Variants in C5orf34 observed in about 807,000 individuals in gnomAD.
C5orf34 encodes chromosome 5 open reading frame 34.
In C5orf34, 73 loss-of-function variants were observed where a neutral mutation model predicts 78.4. The observed-to-expected ratio is 0.93, with a 90% confidence interval of 0.77 to 1.13. C5orf34 has a LOEUF of 1.13. Among genes scored for constraint, C5orf34 ranks in the 50% most tolerant of loss-of-function variants. The pLI is 0.00. For missense variants in C5orf34, 730 were observed against 732.7 expected (o/e 1.00, Z 0.04); for synonymous variants, 251 against 246.6 (o/e 1.02, Z -0.17).
chr5:43,503,876 A>G, intron 4 of C5orf34, 116 bp from the exon 5 acceptor site: 1 of 641,740 alleles, frequency 1.6e-6, no homozygotes, highest in South Asian at 1.9e-5. Flanking sequence ...TCACTAGATC[A>G]AAGAATAAAA....
intron 5 of C5orf34, 137 bp downstream of exon 5, chr5:43,503,528 A>C: frequency 4.1e-6 from 3 of 730,724 alleles, no homozygotes; most frequent in Non-Finnish European, 7.4e-6. Context: ...AAAACTCAGG[A>C]TCAAACACAG....
At position 43,492,356 on chromosome 5, in the gene C5orf34, A is replaced by G. The variant is rs748122653; in HGVS notation, c.1486-47T>C. ...TTTTATCATTTTAGAACTGAAAAAAAGAACATAAACAACCTATTCTAACTT... is the reference window on the plus strand; with the variant it reads ...TTTTATCATTTTAGAACTGAAAAAAGGAACATAAACAACCTATTCTAACTT... On this transcript the variant is annotated intron_variant, in intron 9 of 12. Transcript: ENST00000306862. 2.3e-5 allele frequency: 29 copies of G among 1,245,432 alleles called. No homozygotes were observed. In the African/African-American group the frequency reaches 3.9e-4, roughly 17 times the overall value. The allele number at this position is 1,245,432 out of a possible 1,614,324, so 77.1% of individuals were successfully genotyped here.
chr5:43,489,412 T>C (rs893642550), intron 11 of C5orf34, among the ~76,000 whole-genome samples: 2 of 152,136 alleles, frequency 1.3e-5, no homozygotes, highest in Non-Finnish European at 2.9e-5. Flanking sequence ...GCCTCTGCTG[T>C]TCCTAGTTGC....
chr5:43,511,424 C>T (rs549612205), intron 1 of C5orf34: 54 of 155,080 alleles, frequency 3.5e-4, no homozygotes, highest in South Asian at 2.8e-3. Context: ...GGGGCGCCTC[C>T]GCCCGGCCGC....
At position 43,486,815 on chromosome 5, in the gene C5orf34, G is replaced by A. The variant is rs559036373; in HGVS notation, c.*100C>T. 5.4e-5 allele frequency: 28 copies of A among 521,710 alleles called. No individual in the cohort carries two copies. The South Asian group carries it at 1.4e-3, about 25-fold the overall frequency. 32.3% of individuals were successfully genotyped at this position (521,710 alleles called of 1,614,324 possible). A position where few individuals can be genotyped will look rare whatever the true frequency, so the allele number is the denominator to read the frequency against. ...TCAGTTCTTTCACAATCATTGTGCC[G>A]GGGTAATACGTACAATATCTTGGCT... On this transcript the variant is annotated 3_prime_UTR_variant, in exon 13 of 13. Coordinates refer to ENST00000306862, the MANE Select transcript of C5orf34 (RefSeq NM_198566.4).
intron 3 of C5orf34, among the ~76,000 whole-genome samples, chr5:43,508,124 G>A (rs1746072920): frequency 6.7e-6 from 1 of 150,304 alleles, no homozygotes; most frequent in African/African-American, 2.4e-5. Context: ...CAATATACCT[G>A]TTTTGATTGG....
chr5:43,494,161 AAAG>A (rs780182542), intron 7 of C5orf34, among the ~76,000 whole-genome samples: 1 of 152,162 alleles, frequency 6.6e-6, no homozygotes, highest in Non-Finnish European at 1.5e-5. Flanking sequence ...TGAAGATAAT[AAAG>A]AAGTATAAAA....
intron 10 of C5orf34, 96 bp downstream of exon 10, chr5:43,492,119 T>A: frequency 2.5e-6 from 2 of 785,376 alleles, no homozygotes. Flanking sequence ...ATGGAAAAAC[T>A]AAAAATATAT....
At chr5:43,493,150 T>G (rs1404458172) in intron 8 of C5orf34, among the ~76,000 whole-genome samples, 1 of 152,042 alleles carries the variant, frequency 6.6e-6, no homozygotes, top group Non-Finnish European at 1.5e-5. Flanking sequence ...GCTTACAGGT[T>G]TGTAATTAAA....
intron 6 of C5orf34, chr5:43,496,582 A>ATTTT (rs70994702): frequency 3.3e-5 from 14 of 428,680 alleles, no homozygotes; most frequent in Middle Eastern, 7.7e-4. Context: ...GTTTTTTTTA[A>ATTTT]TTTTTTTTTT....
intron 6 of C5orf34, chr5:43,496,402 G>A (rs7728139): frequency 0.044 from 70,124 of 1,594,960 alleles, 2,473 homozygotes; most frequent in African/African-American, 0.18. Flanking sequence ...GGACTTGCCC[G>A]AATTTACGTG....
At chr5:43,499,859 C>T (rs1745685387) in intron 6 of C5orf34, among the ~76,000 whole-genome samples, 1 of 152,144 alleles carries the variant, frequency 6.6e-6, no homozygotes, top group African/African-American at 2.4e-5. Context: ...CAACTTATTT[C>T]ACCATTTCCC....
Position 43,486,738 on chromosome 5 carries a change from T to C in C5orf34, c.*177A>G. ...CTTCGAAATATTTATTATTAAGATA[T>C]AAATACATATTTTAAAAATGTACAA... On this transcript the variant is annotated 3_prime_UTR_variant, in exon 13 of 13. Coordinates refer to ENST00000306862, the MANE Select transcript of C5orf34 (RefSeq NM_198566.4). 2.7e-6 allele frequency: 1 copy of C among 371,996 alleles called. No individual in the cohort carries two copies. The highest frequency in any genetic ancestry group is 2.1e-5 in the African/African-American group (1 of 48,054). The allele number at this position is 371,996 out of a possible 1,614,324, so 23.0% of individuals were successfully genotyped here. A position where few individuals can be genotyped will look rare whatever the true frequency, so the allele number is the denominator to read the frequency against.
At position 43,492,797 on chromosome 5, in the gene C5orf34, T is replaced by C; in HGVS notation, c.1408A>G (p.Lys470Glu). The C allele has an allele frequency of 6.2e-7, 1 of 1,613,282 alleles. No individual in the cohort carries two copies. Among genetic ancestry groups the C allele is most frequent in the Non-Finnish European group, 8.5e-7 (1 of 1,179,444 alleles). The change falls in exon 9 of 13, where the codon AAA becomes GAA. Residue 470 changes from lysine to glutamate, a missense_variant. Coordinates refer to ENST00000306862, the MANE Select transcript of C5orf34 (RefSeq NM_198566.4). ...VGRFLAYSDDKVHAIFLDGIT... is the reference protein window; with the variant it reads ...VGRFLAYSDDEVHAIFLDGIT... ...CCATCTAAAAAGATAGCATGTACTT[T>C]GTCATCAGAGTAGGCAAGAAATCTT...
rs772296889 is a variant in C5orf34, at chr5:43,492,277, C to T, written c.1518G>A (p.Lys506=). The part of the protein sequence containing the change: ...VNQGLNLGWC[K]LTFPDGQEQL... Reference sequence around the variant, plus strand: ...GCTCTTGTCCATCAGGAAAAGTTAACTTACACCAACCTAAGTTAAGACCTT... The same window carrying T: ...GCTCTTGTCCATCAGGAAAAGTTAATTTACACCAACCTAAGTTAAGACCTT... Residue 506 remains lysine, a synonymous_variant, in exon 10 of 13, where the codon AAG becomes AAA. Coordinates refer to ENST00000306862, the MANE Select transcript of C5orf34 (RefSeq NM_198566.4). The T allele has an allele frequency of 2.5e-6, 4 of 1,611,488 alleles. No individual in the cohort carries two copies. The highest frequency in any genetic ancestry group is 2.7e-5 in the African/African-American group (2 of 74,964).
intron 6 of C5orf34, 32 bp downstream of exon 6, chr5:43,502,340 C>G (rs745610561): frequency 6.2e-7 from 1 of 1,608,700 alleles, no homozygotes; most frequent in African/African-American, 1.3e-5. Context: ...TACAGCAAAA[C>G]TCTTCTTGAG....
intron 6 of C5orf34, chr5:43,496,533 A>AT: frequency 8.3e-7 from 1 of 1,205,788 alleles, no homozygotes; most frequent in Non-Finnish European, 1.1e-6. Flanking sequence ...CCATTTTCCC[A>AT]TTTTTTAAAA....
In C5orf34 at chr5:43,509,207, G is replaced by A. The variant is rs757761996; in HGVS notation, c.133C>T (p.His45Tyr). The part of the protein sequence containing the change: ...LFEKSPPVSA[H>Y]PLEQPERIRQ... ...ATTCTTTCTGGTTGTTCTAAAGGATGTGCTGAAACAGGTGGTGACTTTTCA... is the reference window on the plus strand; with the variant it reads ...ATTCTTTCTGGTTGTTCTAAAGGATATGCTGAAACAGGTGGTGACTTTTCA... Residue 45 changes from histidine to tyrosine, a missense_variant, in exon 2 of 13, where the codon CAT (histidine) becomes TAT (tyrosine). His to Tyr is a moderately conservative substitution (Grantham distance 83). Transcript: ENST00000306862. 8 of 1,614,170 alleles carry A rather than the reference G, an allele frequency of 5.0e-6. No individual in the cohort carries two copies. Among genetic ancestry groups the A allele is most frequent in the Non-Finnish European group, 6.8e-6 (8 of 1,180,004 alleles).
chr5:43,504,475 A>G (rs1745897341), intron 4 of C5orf34, among the ~76,000 whole-genome samples: 1 of 152,156 alleles, frequency 6.6e-6, no homozygotes, highest in Admixed American at 6.5e-5. Flanking sequence ...ATTGTATAGG[A>G]CTTAACTTGT....
Sources: gnomAD v4.1 joint callset for allele counts (sites outside exome capture counted in the v4.1 genomes callset) on GRCh38, gnomAD v4.1.1 for gene constraint, MANE v1.5 for transcripts, NCBI Gene and HGNC (gene_info 2026-07-23, HGNC 2026-07-21) for gene names.